The following ZNF445 variants were observed in gnomAD, a reference collection of about 807,000 sequenced individuals.
ZNF445 encodes zinc finger protein 445, also known as zinc finger protein 168.
In ZNF445, 19 loss-of-function variants were observed where a neutral mutation model predicts 93.9. The observed-to-expected ratio is 0.20, with a 90% CI of 0.14 to 0.30. The LOEUF is 0.30. ZNF445 is among the 10% of genes least tolerant of loss of function. The pLI, the probability that ZNF445 is intolerant of heterozygous loss-of-function variation, is 1.00. For missense variants in ZNF445, 1,058 were observed against 1,259.4 expected (o/e 0.84, Z 2.42); for synonymous variants, 449 against 446.3 (o/e 1.01, Z -0.08).
rs1697744512 is a variant in ZNF445, at chr3:44,438,815, A to G, written c.*7760T>C. On this transcript the variant is annotated 3_prime_UTR_variant, in exon 8 of 8. Transcript: ENST00000396077. ...CTCACTCATAGGTGGGAATTGAACA[A>G]TGAGAAAACATGGACACAGGAAGGG... 1.4e-5 allele frequency: 2 copies of G among 140,292 alleles called. No homozygotes were observed. Among genetic ancestry groups the G allele is most frequent in the African/African-American group, 5.3e-5 (2 of 37,438 alleles). 8.7% of individuals were successfully genotyped at this position (140,292 alleles called of 1,614,324 possible).
Position 44,451,299 on chromosome 3 carries a change from C to T in ZNF445, c.598+15G>A. ...GTGGCATAAGGCTGGGGTCTTAAGGCCAGGCAGCAAGTACCGGATTGCCCA... is the reference window on the plus strand; with the variant it reads ...GTGGCATAAGGCTGGGGTCTTAAGGTCAGGCAGCAAGTACCGGATTGCCCA... On this transcript the variant is annotated intron_variant, in intron 4 of 7. Coordinates refer to ENST00000396077, the MANE Select transcript of ZNF445 (RefSeq NM_181489.6). The T allele has an allele frequency of 1.2e-6, 2 of 1,610,676 alleles. No individual in the cohort carries two copies. The highest frequency in any genetic ancestry group is 1.3e-5 in the African/African-American group (1 of 74,956).
chr3:44,475,805 C>A (rs1227040633), intron 1 of ZNF445, among the ~76,000 whole-genome samples: 1 of 152,014 alleles, frequency 6.6e-6, no homozygotes, highest in Non-Finnish European at 1.5e-5. Flanking sequence ...TCGAGACCAG[C>A]CTGACCAATA....
chr3:44,461,967 G>T (rs6441843), intron 1 of ZNF445, among the ~76,000 whole-genome samples: 1 of 151,916 alleles, frequency 6.6e-6, no homozygotes, highest in Non-Finnish European at 1.5e-5. Context: ...CCGGCAAAAA[G>T]GGGTAAGAAA....
At chr3:44,450,730 G>A in intron 5 of ZNF445, 138 bp downstream of exon 5, 1 of 1,289,448 alleles carries the variant, frequency 7.8e-7, no homozygotes, top group Non-Finnish European at 1.1e-6. Context: ...TGGGCTTGAG[G>A]GGGATAATCT....
intron 1 of ZNF445, among the ~76,000 whole-genome samples, chr3:44,471,467 T>G (rs1698267801): frequency 6.6e-6 from 1 of 152,190 alleles, no homozygotes; most frequent in Admixed American, 6.6e-5. Context: ...AAGTCACAGA[T>G]GAAGGTCATA....
rs1483435152 is a variant in ZNF445 at position 44,432,485 on chromosome 3, T to G, written c.*14090A>C. The G allele has an allele frequency of 6.6e-6, 1 of 152,126 alleles. No individual in the cohort carries two copies. The highest frequency in any genetic ancestry group is 2.4e-5 in the African/African-American group (1 of 41,402). 9.4% of individuals were successfully genotyped at this position (152,126 alleles called of 1,614,324 possible). A position where few individuals can be genotyped will look rare whatever the true frequency, so the allele number is the denominator to read the frequency against. Reference sequence around the variant, plus strand: ...GCTGTGGAGCAGGATTAGTAGATGGTGTGCATGAACTCTGAAGGCAGTCTG... The same window carrying G: ...GCTGTGGAGCAGGATTAGTAGATGGGGTGCATGAACTCTGAAGGCAGTCTG... On this transcript the variant is annotated 3_prime_UTR_variant, in exon 8 of 8. Transcript: ENST00000396077.
In ZNF445 at chr3:44,443,557, C is replaced by T. The variant is rs1382339580; in HGVS notation, c.*3018G>A. On this transcript the variant is annotated 3_prime_UTR_variant, in exon 8 of 8. Coordinates refer to ENST00000396077, the MANE Select transcript of ZNF445 (RefSeq NM_181489.6). Reference sequence around the variant, plus strand: ...ATCGAGACCATCCTGGAGATCGAGACCATCCTGGCTAACACAGTGAAACCC... The same window carrying T: ...ATCGAGACCATCCTGGAGATCGAGATCATCCTGGCTAACACAGTGAAACCC... 6.6e-6 allele frequency: 1 copy of T among 151,690 alleles called. No homozygotes were observed. Among genetic ancestry groups the T allele is most frequent in the Non-Finnish European group, 1.5e-5 (1 of 68,002 alleles). The allele number at this position is 151,690 out of a possible 1,614,324, so 9.4% of individuals were successfully genotyped here.
intron 6 of ZNF445, chr3:44,449,996 A>G: frequency 3.3e-6 from 1 of 300,772 alleles, no homozygotes; most frequent in South Asian, 3.2e-5. Flanking sequence ...GCTGGAGTGC[A>G]GTGGTGCGAT....
In ZNF445 at chr3:44,447,254, T is replaced by C. The variant is rs766508521; in HGVS notation, c.2417A>G (p.Tyr806Cys). ...AAGAGAGTGAATCCTCTGATGTCGG[T>C]AGAGATTGGAACTCCATCTGAAGGC... ...GKAFRWSSNL[Y>C]RHQRIHSLQK... is the part of the protein sequence containing the mutation. Residue 806 changes from tyrosine to cysteine, a missense_variant, in exon 8 of 8, where the codon TAC (tyrosine) becomes TGC (cysteine). By Grantham distance (194) the Tyr-to-Cys change is radical. This residue lies in a region of ZNF445 where 387 missense variants were observed against 475.7 expected (regional missense o/e 0.81). Transcript: ENST00000396077. This position sits in a 1 kb window ranked among gnomAD's most constrained non-coding sequence, Gnocchi z 4.7. 2 of 1,614,164 alleles carry C rather than the reference T, an allele frequency of 1.2e-6. No homozygotes were observed. The highest frequency in any genetic ancestry group is 1.1e-5 in the South Asian group (1 of 91,080).
chr3:44,454,397 T>C (rs1697998181), intron 3 of ZNF445, among the ~76,000 whole-genome samples: 1 of 152,086 alleles, frequency 6.6e-6, no homozygotes, highest in African/African-American at 2.4e-5. Flanking sequence ...GGAGATGGAC[T>C]TTGTATACTG....
In ZNF445 at chr3:44,448,053, G is replaced by T; in HGVS notation, c.1618C>A (p.Pro540Thr). The change falls in exon 8 of 8, where the codon CCT (proline) becomes ACT (threonine). Residue 540 changes from proline (P) to threonine (T), a missense_variant. Transcript: ENST00000396077. ...TTCTCACATAAATCGCATTTATAAG[G>T]CTTCACTCCAGTGTGAATTTTCTCA... Reference protein sequence around the residue: ...RHEKIHTGVKPYKCDLCEKAF... With the variant: ...RHEKIHTGVKTYKCDLCEKAF... The T allele has an allele frequency of 1.9e-6, 3 of 1,611,976 alleles. No homozygotes were observed. The highest frequency in any genetic ancestry group is 2.2e-5 in the East Asian group (1 of 44,866).
chr3:44,476,701 T>A (rs766970205), intron 1 of ZNF445, among the ~76,000 whole-genome samples: 10 of 152,160 alleles, frequency 6.6e-5, no homozygotes, highest in Non-Finnish European at 1.5e-4. Flanking sequence ...CAAGTCAGAG[T>A]GTGCTACAAT....
At chr3:44,471,860 G>GA (rs138407033) in intron 1 of ZNF445, among the ~76,000 whole-genome samples, 16,526 of 144,930 alleles carry the variant, frequency 0.11, 961 homozygotes, top group Middle Eastern at 0.2. Context: ...GTATTCAAAG[G>GA]AAAAAAAAAA....
intron 1 of ZNF445, among the ~76,000 whole-genome samples, chr3:44,472,349 TC>T (rs1020243773): frequency 6.6e-6 from 1 of 152,134 alleles, no homozygotes; most frequent in Non-Finnish European, 1.5e-5. Flanking sequence ...GACTTTTTTT[TC>T]CCCCCTACAA....
intron 7 of ZNF445, among the ~76,000 whole-genome samples, chr3:44,449,050 C>T (rs549484747): frequency 6.6e-6 from 1 of 152,196 alleles, no homozygotes; most frequent in East Asian, 1.9e-4. Context: ...GAAAGGTACC[C>T]AAAAGCCAAG....
rs753208732 is a variant in ZNF445 at position 44,447,185 on chromosome 3, A to G, written c.2486T>C (p.Val829Ala). Residue 829 changes from valine to alanine, a missense_variant, in exon 8 of 8, where the codon GTG (valine) becomes GCG (alanine). By Grantham distance (64) the Val-to-Ala change is moderately conservative. Around this residue, in one of 3 missense-constraint regions of ZNF445, gnomAD observed 387 missense variants for 475.7 expected, o/e 0.81. Coordinates refer to ENST00000396077, the MANE Select transcript of ZNF445 (RefSeq NM_181489.6). This position sits in a 1 kb window ranked among gnomAD's most constrained non-coding sequence, Gnocchi z 4.7. The stretch of plus-strand genomic sequence containing the variant: ...CTCACCAGTGAGGATTTTTGGCTCC[A>G]CATTTGGAGTCTTTTCACTTTCATG... Reference protein sequence around the residue: ...DCHESEKTPNVEPKILTGEKR... With the variant: ...DCHESEKTPNAEPKILTGEKR... 2.7e-5 allele frequency: 43 copies of G among 1,614,060 alleles called. 1 individual carries two copies. The South Asian group carries it at 4.6e-4, about 17-fold the overall frequency.
At position 44,439,698 on chromosome 3, in the gene ZNF445, A is replaced by T. The variant is rs1201154475; in HGVS notation, c.*6877T>A. On this transcript the variant is annotated 3_prime_UTR_variant, in exon 8 of 8. Transcript: ENST00000396077. ...CCTGCTTTGCACTTTGCTCCACATGAGGTGGGATCAATAAACTACCATCAC... is the reference window on the plus strand; with the variant it reads ...CCTGCTTTGCACTTTGCTCCACATGTGGTGGGATCAATAAACTACCATCAC... 1 of 152,210 alleles carries T rather than the reference A, an allele frequency of 6.6e-6. No individual in the cohort carries two copies. The highest frequency in any genetic ancestry group is 1.9e-4 in the East Asian group (1 of 5,194). The allele number at this position is 152,210 out of a possible 1,614,324, so 9.4% of individuals were successfully genotyped here. A position where few individuals can be genotyped will look rare whatever the true frequency, so the allele number is the denominator to read the frequency against.
chr3:44,434,239 C>A lies in ZNF445; in HGVS notation c.*12336G>T, dbSNP rs1297102345. 1 of 123,912 alleles carries A rather than the reference C, an allele frequency of 8.1e-6. No homozygotes were observed. The highest frequency in any genetic ancestry group is 3.0e-5 in the African/African-American group (1 of 33,122). The allele number at this position is 123,912 out of a possible 1,614,324, so 7.7% of individuals were successfully genotyped here. ...ACCAAGCTGGCTAACATGGTGAAACCCTGCCTTTACCAAAAAAAAAAAAAA... is the reference window on the plus strand; with the variant it reads ...ACCAAGCTGGCTAACATGGTGAAACACTGCCTTTACCAAAAAAAAAAAAAA... On this transcript the variant is annotated 3_prime_UTR_variant, in exon 8 of 8. Coordinates refer to ENST00000396077, the MANE Select transcript of ZNF445 (RefSeq NM_181489.6).
rs905393661 is a variant in ZNF445, at chr3:44,446,477, C to A, written c.*98G>T. 3 of 1,536,338 alleles carry A rather than the reference C, an allele frequency of 2.0e-6. No homozygotes were observed. Among genetic ancestry groups the A allele is most frequent in the Admixed American group, 4.1e-5 (2 of 48,942 alleles). The stretch of plus-strand genomic sequence containing the variant: ...TCACTAGCTTCCAAAACAGAAAGGG[C>A]TGGGCCCTTTATCAAAGTTACTCCA... On this transcript the variant is annotated 3_prime_UTR_variant, in exon 8 of 8. Coordinates refer to ENST00000396077, the MANE Select transcript of ZNF445 (RefSeq NM_181489.6). The surrounding 1 kb of genome is among the most constrained non-coding windows in gnomAD (Gnocchi z 4.2).
Sources: allele counts gnomAD v4.1 joint callset (sites outside exome capture counted in the v4.1 genomes callset), GRCh38; gene constraint gnomAD v4.1.1; regional missense constraint gnomAD v4.1.1; non-coding constraint Gnocchi (gnomAD v3.1); transcripts MANE v1.5; gene names NCBI Gene and HGNC (gene_info 2026-07-23, HGNC 2026-07-21).